The following DLGAP1 variants were observed in gnomAD, a reference collection of about 807,000 sequenced individuals.
The protein encoded by DLGAP1 is DLG associated protein 1, also known as disks large-associated protein 1.
Under a neutral mutation model 90.8 loss-of-function variants are expected in DLGAP1, and 11 were observed. The ratio of observed to expected loss-of-function variants is 0.12; its 90% CI spans 0.08 to 0.20. The LOEUF is 0.20. DLGAP1 is among the 10% of genes least tolerant of loss of function. The probability of loss-of-function intolerance (pLI) is 1.00; values close to 1 mark genes in which losing one functional copy is unlikely to be tolerated. For synonymous variants in DLGAP1, 558 were observed against 540.7 expected, an observed-to-expected ratio of 1.03 and a Z score of -0.44; for missense variants, 1,050 against 1,333.8, an observed-to-expected ratio of 0.79 and a Z score of 3.31.
At chr18:3,538,866 C>T (rs1022874721) in intron 9 of DLGAP1, among the ~76,000 whole-genome samples, 1 of 152,212 alleles carries the variant, frequency 6.6e-6, no homozygotes, top group South Asian at 2.1e-4. Context: ...CTGTACTACC[C>T]GCATTCCTAA....
chr18:3,844,550 G>A (rs927943970), intron 4 of DLGAP1, among the ~76,000 whole-genome samples: 1 of 152,182 alleles, frequency 6.6e-6, no homozygotes, highest in African/African-American at 2.4e-5. Context: ...CTCAGAGAGA[G>A]CTGATGGTTT....
At chr18:3,991,315 T>C (rs781511088) in intron 3 of DLGAP1, among the ~76,000 whole-genome samples, 49 of 152,344 alleles carry the variant, frequency 3.2e-4, no homozygotes, top group Admixed American at 1.1e-3. Flanking sequence ...AGAATTCTTA[T>C]ATATTTGTAT....
intron 3 of DLGAP1, among the ~76,000 whole-genome samples, chr18:3,903,855 G>T (rs2071838174): frequency 6.6e-6 from 1 of 152,166 alleles, no homozygotes; most frequent in Non-Finnish European, 1.5e-5. Flanking sequence ...TAGCAATATT[G>T]AAATGGCAAA....
chr18:4,225,102 A>G (rs2078158617), intron 1 of DLGAP1, among the ~76,000 whole-genome samples: 3 of 152,126 alleles, frequency 2.0e-5, no homozygotes, highest in South Asian at 4.1e-4. Flanking sequence ...ATTCTTTTGT[A>G]TCTCATGCAA....
chr18:4,365,246 A>T (rs138406050), intron 1 of DLGAP1, among the ~76,000 whole-genome samples: 11 of 152,318 alleles, frequency 7.2e-5, no homozygotes, highest in Non-Finnish European at 1.2e-4. Context: ...AATATTAGAA[A>T]AGAAGAATCT....
chr18:3,688,862 C>G (rs1167707453), intron 7 of DLGAP1, among the ~76,000 whole-genome samples: 1 of 152,096 alleles, frequency 6.6e-6, no homozygotes, highest in East Asian at 1.9e-4. Flanking sequence ...TCTCCAGAAC[C>G]CTCCGAGGCC....
At chr18:4,039,227 G>A (rs140011901) in intron 2 of DLGAP1, among the ~76,000 whole-genome samples, 6 of 152,148 alleles carry the variant, frequency 3.9e-5, no homozygotes, top group African/African-American at 1.4e-4. Flanking sequence ...GGAGACGATA[G>A]TTTACTTATT....
intron 3 of DLGAP1, among the ~76,000 whole-genome samples, chr18:3,939,459 A>C (rs1048536203): frequency 3.7e-4 from 56 of 150,968 alleles, no homozygotes; most frequent in African/African-American, 1.0e-3. Context: ...AAACACCAAA[A>C]AAACAAACAA....
At position 4,323,606 on chromosome 18, in the gene DLGAP1, T is replaced by C. The variant is rs553585885; in HGVS notation, c.-267+131400A>G. 2.6e-5 allele frequency among the ~76,000 whole-genome samples: 4 copies of C among 151,978 alleles called. No individual in the cohort carries two copies. In the East Asian group the frequency reaches 7.7e-4, roughly 29 times the overall value. On this transcript the variant is annotated intron_variant, in intron 1 of 12. Transcript: ENST00000315677. ...ATGGCACATACTCTGAAATCAACCATACAATCTGATATAAAACAGGACTCA... is the reference window on the plus strand; with the variant it reads ...ATGGCACATACTCTGAAATCAACCACACAATCTGATATAAAACAGGACTCA...
intron 10 of DLGAP1, among the ~76,000 whole-genome samples, chr18:3,509,306 G>T (rs1239264942): frequency 6.6e-6 from 1 of 152,164 alleles, no homozygotes; most frequent in Non-Finnish European, 1.5e-5. Flanking sequence ...TTTACACTCT[G>T]CAGCCCAATC....
chr18:3,655,995 C>T (rs2059468617), intron 7 of DLGAP1: 19 of 1,276,746 alleles, frequency 1.5e-5, no homozygotes, highest in Non-Finnish European at 2.0e-5. Flanking sequence ...TGGCGTCAAA[C>T]ACCACTGCCA....
chr18:3,715,620 T>G (rs1292277045), intron 7 of DLGAP1, among the ~76,000 whole-genome samples: 8 of 152,196 alleles, frequency 5.3e-5, no homozygotes, highest in Admixed American at 5.2e-4. Context: ...ACTTTCCCTT[T>G]CTGAAAACAC....
Position 4,009,954 on chromosome 18 carries a change from A to C in DLGAP1, c.-158-4753T>G, listed in dbSNP as rs556047609. ...CCCATATCTGGCTGAATTTCTAAAG[A>C]CTAAAGATGTAAAGAGGGCAAGTCA... is the stretch of plus-strand genomic sequence containing the variant. On this transcript the variant is annotated intron_variant, in intron 2 of 12. Coordinates refer to ENST00000315677, the MANE Select transcript of DLGAP1 (RefSeq NM_004746.4). 2.0e-5 allele frequency among the ~76,000 whole-genome samples: 3 copies of C among 152,314 alleles called. No homozygotes were observed. The South Asian group carries it at 6.2e-4, about 32-fold the overall frequency.
Position 3,879,572 on chromosome 18 carries a change from C to A in DLGAP1, c.497G>T (p.Gly166Val). The change falls in exon 4 of 13, where the codon GGC (glycine) becomes GTC (valine). Residue 166 changes from glycine to valine, a missense_variant. Transcript: ENST00000315677. The surrounding 1 kb of genome is among the most constrained non-coding windows in gnomAD (Gnocchi z 6.6). ...EGPSKGSVNGGKASPDEAQAA... is the reference protein window; with the variant it reads ...EGPSKGSVNGVKASPDEAQAA... ...CTGCGCCTCGTCAGGGCTGGCCTTG[C>A]CCCCGTTGACGCTGCCCTTGGACGG... 6.3e-7 allele frequency: 1 copy of A among 1,598,878 alleles called. No homozygotes were observed.
At chr18:3,755,119 A>G (rs1475786802) in intron 5 of DLGAP1, among the ~76,000 whole-genome samples, 2 of 152,140 alleles carry the variant, frequency 1.3e-5, no homozygotes, top group Non-Finnish European at 2.9e-5. Context: ...TCTCTGGAGT[A>G]ACCATTATGA....
intron 2 of DLGAP1, among the ~76,000 whole-genome samples, chr18:4,051,081 G>C (rs1442371): frequency 1 from 152,286 of 152,346 alleles, 76,113 homozygotes; most frequent in Middle Eastern, 1. Flanking sequence ...CAGTTTGTGT[G>C]TTTGAAACTG....
intron 1 of DLGAP1, among the ~76,000 whole-genome samples, chr18:4,236,887 A>C (rs1007949526): frequency 6.6e-6 from 1 of 152,182 alleles, no homozygotes; most frequent in African/African-American, 2.4e-5. Flanking sequence ...TTGAGCAGTT[A>C]AAGAGATGTG....
At chr18:3,592,534 G>T (rs2056307512) in intron 7 of DLGAP1, among the ~76,000 whole-genome samples, 1 of 152,178 alleles carries the variant, frequency 6.6e-6, no homozygotes. Flanking sequence ...TGGACACTGT[G>T]CTAAGAACTT....
At position 4,192,018 on chromosome 18, in the gene DLGAP1, A is replaced by T. The variant is rs979693097; in HGVS notation, c.-266-40731T>A. ...AGCAACACTAGGACTCATAGTAAAG[A>T]TATGACAAAGGGGAAGGTGTATTCA... On this transcript the variant is annotated intron_variant, in intron 1 of 12. Coordinates refer to ENST00000315677, the MANE Select transcript of DLGAP1 (RefSeq NM_004746.4). Among the ~76,000 whole-genome samples the T allele has an allele frequency of 8.5e-5, 13 of 152,292 alleles. 1 individual carries two copies. The highest frequency in any genetic ancestry group is 6.2e-4 in the South Asian group (3 of 4,826).
Sources: gnomAD v4.1 joint callset for allele counts (sites outside exome capture counted in the v4.1 genomes callset) on GRCh38, gnomAD v4.1.1 for gene constraint, Gnocchi (gnomAD v3.1) non-coding constraint, MANE v1.5 for transcripts, NCBI Gene and HGNC (gene_info 2026-07-23, HGNC 2026-07-21) for gene names.